The following SLC44A5 variants were observed in gnomAD, a reference collection of about 807,000 sequenced individuals.
SLC44A5 encodes the protein solute carrier family 44 member 5, also known as choline transporter-like protein 5.
In SLC44A5, 57 loss-of-function variants were observed where a neutral mutation model predicts 101.8. The observed-to-expected ratio is 0.56, with a 90% CI of 0.45 to 0.70. SLC44A5 has a LOEUF of 0.70. Among genes scored for constraint, SLC44A5 ranks in the 30% least tolerant of loss-of-function variants. SLC44A5 has a pLI of 0.00. For missense variants in SLC44A5, 737 were observed against 853.1 expected, an observed-to-expected ratio of 0.86 and a Z score of 1.70; for synonymous variants, 281 against 290.9, an observed-to-expected ratio of 0.97 and a Z score of 0.35.
chr1:75,645,285 C>G, the SLC44A5 span, among the ~76,000 whole-genome samples: 1 of 152,114 alleles, frequency 6.6e-6, no homozygotes, highest in Non-Finnish European at 1.5e-5. Context: ...CTCTCCAGCA[C>G]CTGTTGTTTC....
chr1:75,271,497 T>TTTTTTTTTTGTGTGTGTG (rs1553152601), intron 6 of SLC44A5, among the ~76,000 whole-genome samples: 143 of 146,378 alleles, frequency 9.8e-4, no homozygotes, highest in African/African-American at 3.4e-3. Context: ...TCTGCATGTT[T>TTTTTTTTTTGTGTGTGTG]TGTGTGTGTG....
chr1:75,673,575 G>A, the SLC44A5 span, among the ~76,000 whole-genome samples: 1 of 152,152 alleles, frequency 6.6e-6, no homozygotes, highest in Non-Finnish European at 1.5e-5. Context: ...GTGAACATAG[G>A]TGGTAGGTAG....
At chr1:75,436,773 A>G (rs1383238298) in intron 2 of SLC44A5, among the ~76,000 whole-genome samples, 1 of 152,206 alleles carries the variant, frequency 6.6e-6, no homozygotes, top group Non-Finnish European at 1.5e-5. Flanking sequence ...AGCTTAAAAC[A>G]AAAGCACAAT....
intron 3 of SLC44A5, among the ~76,000 whole-genome samples, chr1:75,386,501 A>G (rs1411196906): frequency 1.3e-5 from 2 of 152,216 alleles, no homozygotes; most frequent in Non-Finnish European, 2.9e-5. Context: ...CCAACTTACA[A>G]GGGATGTGAA....
At chr1:75,501,693 A>T (rs982212036) in intron 2 of SLC44A5, among the ~76,000 whole-genome samples, 2 of 152,184 alleles carry the variant, frequency 1.3e-5, no homozygotes, top group South Asian at 4.1e-4. Context: ...GTAAACTGCC[A>T]TATCACCCCA....
At chr1:75,662,371 A>C in the SLC44A5 span, among the ~76,000 whole-genome samples, 1 of 152,068 alleles carries the variant, frequency 6.6e-6, no homozygotes, top group East Asian at 1.9e-4. Flanking sequence ...AGGGAGCTGG[A>C]GTATGAAGAG....
intron 2 of SLC44A5, among the ~76,000 whole-genome samples, chr1:75,510,676 G>A (rs1158449571): frequency 6.6e-6 from 1 of 152,120 alleles, no homozygotes; most frequent in Non-Finnish European, 1.5e-5. Context: ...AAAATTATGG[G>A]AAACCTTAAA....
At chr1:75,563,625 G>A (rs1672636547) in intron 1 of SLC44A5, among the ~76,000 whole-genome samples, 1 of 151,922 alleles carries the variant, frequency 6.6e-6, no homozygotes, top group Non-Finnish European at 1.5e-5. Context: ...TTTAGAACAT[G>A]GTTTTCTATA....
chr1:75,264,089 C>T (rs754566421), intron 6 of SLC44A5, among the ~76,000 whole-genome samples: 20 of 149,090 alleles, frequency 1.3e-4, no homozygotes, highest in Non-Finnish European at 2.8e-4. Flanking sequence ...TGTAACAAAC[C>T]TGCATGTTCT....
intron 1 of SLC44A5, among the ~76,000 whole-genome samples, chr1:75,605,718 G>C (rs1675284393): frequency 6.6e-6 from 1 of 152,038 alleles, no homozygotes; most frequent in Non-Finnish European, 1.5e-5. Context: ...GGGGTAAAGA[G>C]AAAGCAAAGG....
the SLC44A5 span, among the ~76,000 whole-genome samples, chr1:75,616,616 G>A: frequency 5.9e-3 from 899 of 152,296 alleles, 7 homozygotes; most frequent in African/African-American, 0.021. Flanking sequence ...CGAGGATAGC[G>A]AGCCCGAATT....
chr1:75,227,316 G>T (rs1275974564), intron 13 of SLC44A5, among the ~76,000 whole-genome samples: 1 of 152,132 alleles, frequency 6.6e-6, no homozygotes, highest in Non-Finnish European at 1.5e-5. Flanking sequence ...AGTTAGCCAT[G>T]ATTGTGCCAC....
At position 75,219,901 on chromosome 1, in the gene SLC44A5, A is replaced by C. The variant is rs748325229; in HGVS notation, c.1086-9T>G. Reference sequence around the variant, plus strand: ...GAACATATCCAATGGCTCTGAAATAAAACAAATAGTTGAAATTCAATTGTT... The same window carrying C: ...GAACATATCCAATGGCTCTGAAATACAACAAATAGTTGAAATTCAATTGTT... On this transcript the variant is annotated splice_polypyrimidine_tract_variant and intron_variant, in intron 14 of 23. Transcript: ENST00000370859. 6.4e-7 allele frequency: 1 copy of C among 1,559,198 alleles called. No individual in the cohort carries two copies. The highest frequency in any genetic ancestry group is 1.1e-5 in the South Asian group (1 of 87,398).
intron 7 of SLC44A5, among the ~76,000 whole-genome samples, chr1:75,246,521 TG>T (rs1649119229): frequency 1.3e-5 from 2 of 152,108 alleles, no homozygotes; most frequent in Non-Finnish European, 2.9e-5. Context: ...TCAAGCAATT[TG>T]TCTTCCAGTA....
chr1:75,642,548 T>C, the SLC44A5 span, among the ~76,000 whole-genome samples: 1 of 151,480 alleles, frequency 6.6e-6, no homozygotes, highest in East Asian at 1.9e-4. Flanking sequence ...ATTCCTATTC[T>C]GATTGACTTA....
intron 3 of SLC44A5, among the ~76,000 whole-genome samples, chr1:75,395,321 C>T (rs1176758200): frequency 6.6e-6 from 1 of 152,142 alleles, no homozygotes; most frequent in Non-Finnish European, 1.5e-5. Context: ...ACAAAAAAGA[C>T]TTGACCTCTA....
intron 2 of SLC44A5, among the ~76,000 whole-genome samples, chr1:75,512,026 C>T (rs1025445958): frequency 2.6e-5 from 4 of 152,138 alleles, no homozygotes; most frequent in African/African-American, 4.8e-5. Context: ...GAGTCCTGTG[C>T]TAAGTCCACA....
chr1:75,528,060 TACA>T (rs1386401821), intron 2 of SLC44A5, among the ~76,000 whole-genome samples: 1 of 152,236 alleles, frequency 6.6e-6, no homozygotes, highest in African/African-American at 2.4e-5. Flanking sequence ...TTGATTGCTA[TACA>T]ACAAGCCTCC....
chr1:75,273,198 G>A (rs1260841590), intron 6 of SLC44A5, among the ~76,000 whole-genome samples: 1 of 152,070 alleles, frequency 6.6e-6, no homozygotes, highest in Non-Finnish European at 1.5e-5. Flanking sequence ...CACTGTTGAT[G>A]GAGAGCAGTG....
Sources: allele counts gnomAD v4.1 joint callset (sites outside exome capture counted in the v4.1 genomes callset), GRCh38; gene constraint gnomAD v4.1.1; transcripts MANE v1.5; gene names NCBI Gene and HGNC (gene_info 2026-07-23, HGNC 2026-07-21).